Variants in PCDHA4 observed in about 807,000 individuals in gnomAD.
PCDHA4 encodes the protein protocadherin alpha 4.
Under a neutral mutation model 61.4 loss-of-function variants are expected in PCDHA4, and 49 were observed. That is an observed-to-expected ratio of 0.80 (90% CI 0.63 to 1.01). PCDHA4 has a LOEUF of 1.01. PCDHA4 is among the 50% of genes least tolerant of loss of function. The pLI, the probability that PCDHA4 is intolerant of heterozygous loss-of-function variation, is 0.00. For synonymous variants in PCDHA4, 590 were observed against 550.3 expected, an observed-to-expected ratio of 1.07 and a Z score of -1.01; for missense variants, 1,254 against 1,235.8, an observed-to-expected ratio of 1.01 and a Z score of -0.22.
chr5:140,843,339 G>A (rs2150357830), intron 1 of PCDHA4: 2 of 1,596,042 alleles, frequency 1.3e-6, no homozygotes, highest in Admixed American at 1.7e-5. Flanking sequence ...GTGGAGAGCG[G>A]CCAGGCTCCA....
At chr5:140,916,327 A>G (rs1218792272) in intron 1 of PCDHA4, among the ~76,000 whole-genome samples, 5 of 152,226 alleles carry the variant, frequency 3.3e-5, no homozygotes, top group African/African-American at 1.2e-4. Context: ...AGTCCCCTTT[A>G]CTTTTTCCTC....
chr5:140,982,882 C>A (rs1554244920), intron 3 of PCDHA4, among the ~76,000 whole-genome samples: 1 of 151,972 alleles, frequency 6.6e-6, no homozygotes, highest in African/African-American at 2.4e-5. Flanking sequence ...CCAAGCCATG[C>A]AGAGAAGATC....
At position 140,928,790 on chromosome 5, in the gene PCDHA4, G is replaced by T. The variant is rs370207805; in HGVS notation, c.2386-50159G>T. The T allele has an allele frequency of 9.3e-6, 15 of 1,614,058 alleles. No homozygotes were observed. Among genetic ancestry groups the T allele is most frequent in the Non-Finnish European group, 1.2e-5 (14 of 1,180,044 alleles). On this transcript the variant is annotated intron_variant, in intron 1 of 3. Coordinates refer to ENST00000530339, the MANE Select transcript of PCDHA4 (RefSeq NM_018907.4). The stretch of plus-strand genomic sequence containing the variant: ...CTTCCCACTGATGCAGTTAAGCAGA[G>T]GGTGGTGGTAGTGGTTCGGGACCAT...
intron 1 of PCDHA4, chr5:140,882,150 C>T: frequency 1.3e-6 from 2 of 1,501,768 alleles, no homozygotes; most frequent in Non-Finnish European, 1.8e-6. Context: ...TAGCAGAAAG[C>T]GGAATACCTC....
At chr5:140,893,570 G>A (rs1583135271) in intron 1 of PCDHA4, among the ~76,000 whole-genome samples, 1 of 152,154 alleles carries the variant, frequency 6.6e-6, no homozygotes, top group African/African-American at 2.4e-5. Context: ...TACTTCCTCA[G>A]TTTTTGCTTG....
intron 1 of PCDHA4, chr5:140,836,557 C>T (rs2150263942): frequency 1.2e-6 from 2 of 1,613,660 alleles, no homozygotes; most frequent in Non-Finnish European, 1.7e-6. Context: ...CGGTGCTCAG[C>T]GCCGTCCTCT....
At chr5:140,983,470 A>G (rs782117929) in intron 3 of PCDHA4, among the ~76,000 whole-genome samples, 16 of 152,224 alleles carry the variant, frequency 1.1e-4, no homozygotes, top group Non-Finnish European at 1.5e-4. Context: ...CATCATGATG[A>G]TAATAGTAGT....
chr5:140,909,494 G>A (rs1554193825), intron 1 of PCDHA4, among the ~76,000 whole-genome samples: 2 of 152,174 alleles, frequency 1.3e-5, no homozygotes, highest in African/African-American at 4.8e-5. Context: ...GAGCTGAACG[G>A]GGATGTGGTG....
chr5:140,932,474 A>G (rs1444534569), intron 1 of PCDHA4, among the ~76,000 whole-genome samples: 1 of 151,904 alleles, frequency 6.6e-6, no homozygotes, highest in African/African-American at 2.4e-5. Context: ...AGGAAATAGG[A>G]TATCTCCTCT....
rs1554163586 is a variant in PCDHA4, at chr5:140,869,907, C to T, written c.2385+60335C>T. ...TTGTGCTCAAACTAAACGCCACAGA[C>T]CGAGACGAAGGAGTCAATGGAGAGG... is the stretch of plus-strand genomic sequence containing the variant. On this transcript the variant is annotated intron_variant, in intron 1 of 3. Transcript: ENST00000530339. 1.9e-6 allele frequency: 3 copies of T among 1,610,738 alleles called. No individual in the cohort carries two copies. The East Asian group carries it at 6.7e-5, about 36-fold the overall frequency.
intron 3 of PCDHA4, among the ~76,000 whole-genome samples, chr5:140,986,707 A>G (rs2097210304): frequency 6.6e-6 from 1 of 152,186 alleles, no homozygotes; most frequent in Admixed American, 6.5e-5. Flanking sequence ...AGCACTGCAG[A>G]AGATAACATT....
chr5:140,937,937 G>T (rs1584936873), intron 1 of PCDHA4, among the ~76,000 whole-genome samples: 1 of 151,274 alleles, frequency 6.6e-6, no homozygotes. Flanking sequence ...AGTTTAATTT[G>T]ATAATTGGCT....
At chr5:140,842,169 G>A (rs2150330880) in intron 1 of PCDHA4, 3 of 1,613,820 alleles carry the variant, frequency 1.9e-6, no homozygotes, top group South Asian at 1.1e-5. Context: ...TCTTTTAATA[G>A]CCTTGTTGAA....
chr5:141,005,666 C>T (rs1304126376), intron 3 of PCDHA4, among the ~76,000 whole-genome samples: 2 of 130,134 alleles, frequency 1.5e-5, no homozygotes, highest in Non-Finnish European at 3.1e-5. Context: ...CGCGCCACTG[C>T]ACTCCAGCCT....
Position 140,988,156 on chromosome 5 carries a change from C to T in PCDHA4, c.2533+5593C>T, listed in dbSNP as rs546335543. Among the ~76,000 whole-genome samples, 7 of 152,172 alleles carry T rather than the reference C, an allele frequency of 4.6e-5. No individual in the cohort carries two copies. The South Asian group carries it at 1.5e-3, about 32-fold the overall frequency. On this transcript the variant is annotated intron_variant, in intron 3 of 3. Coordinates refer to ENST00000530339, the MANE Select transcript of PCDHA4 (RefSeq NM_018907.4). ...TAACCTGTTCAACCTCAACTTCTGCCGTTGTCATAGCAATGACAGTCCTGG... is the reference window on the plus strand; with the variant it reads ...TAACCTGTTCAACCTCAACTTCTGCTGTTGTCATAGCAATGACAGTCCTGG...
chr5:140,877,776 C>A (rs2057336039), intron 1 of PCDHA4: 3 of 1,614,032 alleles, frequency 1.9e-6, no homozygotes, highest in South Asian at 1.1e-5. Context: ...CCAAGACGGA[C>A]CTCATGGCCT....
intron 1 of PCDHA4, among the ~76,000 whole-genome samples, chr5:140,878,943 T>C (rs968532854): frequency 6.6e-6 from 1 of 152,220 alleles, no homozygotes; most frequent in Non-Finnish European, 1.5e-5. Context: ...AATAAATATA[T>C]GGTATTGAAA....
At chr5:140,951,672 T>C (rs1242247980) in intron 1 of PCDHA4, among the ~76,000 whole-genome samples, 1 of 152,114 alleles carries the variant, frequency 6.6e-6, no homozygotes, top group Non-Finnish European at 1.5e-5. Flanking sequence ...GCCTACAAAA[T>C]TGGGGATTAC....
chr5:140,972,072 T>C (rs1380413898), intron 1 of PCDHA4, among the ~76,000 whole-genome samples: 1 of 152,212 alleles, frequency 6.6e-6, no homozygotes, highest in Non-Finnish European at 1.5e-5. Flanking sequence ...ATTAACTGCT[T>C]TTGGAAAAAG....
Sources: allele counts gnomAD v4.1 joint callset (sites outside exome capture counted in the v4.1 genomes callset), GRCh38; gene constraint gnomAD v4.1.1; transcripts MANE v1.5; gene names NCBI Gene and HGNC (gene_info 2026-07-23, HGNC 2026-07-21).